RAB6B: variants seen among roughly 807,000 people sequenced by gnomAD.
RAB6B encodes the protein RAB6B, member RAS oncogene family, also known as ras-related protein Rab-6B.
In RAB6B, 7 loss-of-function variants were observed where a neutral mutation model predicts 31.2. The observed-to-expected ratio is 0.22, with a 90% CI of 0.13 to 0.42. The LOEUF is 0.42. RAB6B is among the 10% of genes least tolerant of loss of function. The pLI, the probability that RAB6B is intolerant of heterozygous loss-of-function variation, is 1.00. For missense variants in RAB6B, 149 were observed against 280.6 expected (o/e 0.53, Z 3.35); for synonymous variants, 105 against 104.9 (o/e 1.00, Z -0.01).
intron 1 of RAB6B, among the ~76,000 whole-genome samples, chr3:133,893,965 C>T (rs1049030473): frequency 3.3e-5 from 5 of 152,212 alleles, no homozygotes; most frequent in Admixed American, 2.0e-4. Context: ...CCCAGCCTGT[C>T]CCCCAAACCC....
intron 3 of RAB6B, 54 bp from the exon 4 acceptor site, chr3:133,841,444 C>A: frequency 1.9e-6 from 3 of 1,587,142 alleles, no homozygotes; most frequent in African/African-American, 1.3e-5. Flanking sequence ...GCAGTGAGGT[C>A]CTCCTGGTCC....
At chr3:133,886,837 T>C (rs1257994209) in intron 1 of RAB6B, among the ~76,000 whole-genome samples, 1 of 152,240 alleles carries the variant, frequency 6.6e-6, no homozygotes, top group Non-Finnish European at 1.5e-5. Flanking sequence ...ATGTGAGCCT[T>C]AATCACATGC....
Position 133,834,568 on chromosome 3 carries a change from AG to A in RAB6B, c.562+6del, listed in dbSNP as rs781634369. On this transcript the variant is annotated splice_donor_region_variant and intron_variant, in intron 7 of 7. Coordinates refer to ENST00000285208, the MANE Select transcript of RAB6B (RefSeq NM_016577.4). ...CTTTTCACTCACTTGTCAAAGGAAAAGGATACTCCCTTCTTTGCTTTTCTCC... is the reference window on the plus strand; with the variant it reads ...CTTTTCACTCACTTGTCAAAGGAAAAGATACTCCCTTCTTTGCTTTTCTCC... The A allele has an allele frequency of 6.2e-7, 1 of 1,609,368 alleles. No homozygotes were observed. Among genetic ancestry groups the A allele is most frequent in the Admixed American group, 1.7e-5 (1 of 60,024 alleles).
At chr3:133,840,320 AC>A (rs1935806318) in intron 4 of RAB6B, among the ~76,000 whole-genome samples, 1 of 152,068 alleles carries the variant, frequency 6.6e-6, no homozygotes, top group African/African-American at 2.4e-5. Context: ...ATAAGGCAAT[AC>A]CCACCACTCG....
intron 2 of RAB6B, among the ~76,000 whole-genome samples, chr3:133,851,631 G>T (rs1355303411): frequency 6.6e-6 from 1 of 152,196 alleles, no homozygotes; most frequent in Non-Finnish European, 1.5e-5. Flanking sequence ...TGTGAAAGAT[G>T]TAGAGAGGCT....
Position 133,887,529 on chromosome 3 carries a change from G to A in RAB6B, c.70+7868C>T, listed in dbSNP as rs145729609. ...AGCAGCATGCTTGTCTCCAGGCTGG[G>A]AGTGTTATTGGCTTGGCCTCATACT... On this transcript the variant is annotated intron_variant, in intron 1 of 7. Coordinates refer to ENST00000285208, the MANE Select transcript of RAB6B (RefSeq NM_016577.4). 3.1e-4 allele frequency among the ~76,000 whole-genome samples: 47 copies of A among 152,336 alleles called. 1 individual carries two copies. In the East Asian group the frequency reaches 8.1e-3, roughly 26 times the overall value.
intron 1 of RAB6B, among the ~76,000 whole-genome samples, chr3:133,877,580 C>T (rs1576408187): frequency 6.6e-6 from 1 of 151,718 alleles, no homozygotes; most frequent in Non-Finnish European, 1.5e-5. Context: ...CACAACAAGG[C>T]AAAAATCACA....
intron 2 of RAB6B, among the ~76,000 whole-genome samples, chr3:133,863,512 CA>C (rs1429473040): frequency 6.6e-6 from 1 of 152,186 alleles, no homozygotes; most frequent in African/African-American, 2.4e-5. Context: ...ACTCGATAAC[CA>C]AGGGATTCCA....
At chr3:133,859,143 T>G (rs1382729571) in intron 2 of RAB6B, among the ~76,000 whole-genome samples, 1 of 152,154 alleles carries the variant, frequency 6.6e-6, no homozygotes, top group African/African-American at 2.4e-5. Flanking sequence ...TATATACAAC[T>G]AATTTTTAAA....
chr3:133,833,377 G>A (rs928109619), intron 7 of RAB6B, among the ~76,000 whole-genome samples: 2 of 152,124 alleles, frequency 1.3e-5, no homozygotes, highest in Non-Finnish European at 2.9e-5. Flanking sequence ...GTCCTCTGGT[G>A]ACACACAGAC....
intron 1 of RAB6B, among the ~76,000 whole-genome samples, chr3:133,884,190 A>C (rs1319731019): frequency 1.3e-5 from 2 of 152,258 alleles, no homozygotes; most frequent in Non-Finnish European, 2.9e-5. Context: ...GGTGGTGCTC[A>C]GTAACGTCCA....
chr3:133,864,433 G>A, intron 2 of RAB6B, 151 bp downstream of exon 2: 1 of 736,996 alleles, frequency 1.4e-6, no homozygotes, highest in Non-Finnish European at 2.4e-6. Flanking sequence ...TCTTTACAGG[G>A]ATGGGGCCAG....
At chr3:133,835,472 CTGTGTGTG>C (rs3840183) in intron 6 of RAB6B, among the ~76,000 whole-genome samples, 60 of 146,740 alleles carry the variant, frequency 4.1e-4, no homozygotes, top group South Asian at 3.6e-3. Flanking sequence ...TGTGGGTTTT[CTGTGTGTG>C]TGTGTGTGTG....
chr3:133,886,869 T>G (rs1576411354), intron 1 of RAB6B, among the ~76,000 whole-genome samples: 2 of 152,250 alleles, frequency 1.3e-5, no homozygotes, highest in Non-Finnish European at 2.9e-5. Flanking sequence ...GTACTTGATC[T>G]TCCTGGAACC....
intron 1 of RAB6B, among the ~76,000 whole-genome samples, chr3:133,891,380 AC>A (rs527775145): frequency 4.1e-4 from 63 of 152,242 alleles, no homozygotes; most frequent in Non-Finnish European, 7.1e-4. Context: ...TTGTTCCAAG[AC>A]CTACTTTCTA....
chr3:133,849,008 C>T (rs544800817), intron 2 of RAB6B, among the ~76,000 whole-genome samples: 1 of 152,276 alleles, frequency 6.6e-6, no homozygotes, highest in South Asian at 2.1e-4. Flanking sequence ...CCTTGACCAG[C>T]CTCCACTTTA....
intron 2 of RAB6B, among the ~76,000 whole-genome samples, chr3:133,842,759 T>C (rs1935854218): frequency 6.6e-6 from 1 of 152,250 alleles, no homozygotes; most frequent in Admixed American, 6.5e-5. Context: ...GCTAACATGT[T>C]AATAGCATCA....
At chr3:133,889,438 A>ATATT (rs1936604978) in intron 1 of RAB6B, among the ~76,000 whole-genome samples, 3 of 70,782 alleles carry the variant, frequency 4.2e-5, no homozygotes, top group African/African-American at 1.6e-4. Flanking sequence ...ATATATATAT[A>ATATT]TATATATTTA....
chr3:133,870,143 G>A (rs1305052116), intron 1 of RAB6B, among the ~76,000 whole-genome samples: 1 of 152,178 alleles, frequency 6.6e-6, no homozygotes, highest in Non-Finnish European at 1.5e-5. Context: ...CCATTGCTGG[G>A]AAAGCCTCAG....
Sources: allele counts gnomAD v4.1 joint callset (sites outside exome capture counted in the v4.1 genomes callset), GRCh38; gene constraint gnomAD v4.1.1; transcripts MANE v1.5; gene names NCBI Gene and HGNC (gene_info 2026-07-23, HGNC 2026-07-21).